The following STAG1 variants were observed in gnomAD, a reference collection of about 807,000 sequenced individuals.
The protein encoded by STAG1 is STAG1 cohesin complex component.
Under a neutral mutation model 170.9 loss-of-function variants are expected in STAG1, and 26 were observed. That is an observed-to-expected ratio of 0.15 (90% confidence interval 0.11 to 0.21). STAG1 has a LOEUF of 0.21. Ranked by LOEUF, STAG1 falls within the 10% of genes least tolerant of loss-of-function variation. STAG1 has a pLI of 1.00. For synonymous variants in STAG1, 514 were observed against 497.7 expected (o/e 1.03, Z -0.44); for missense variants, 964 against 1,509.5 (o/e 0.64, Z 5.99).
intron 7 of STAG1, among the ~76,000 whole-genome samples, chr3:136,517,593 CAAAG>C (rs1486553619): frequency 1.3e-5 from 2 of 151,852 alleles, no homozygotes; most frequent in Non-Finnish European, 2.9e-5. Context: ...AGTGGTAAAA[CAAAG>C]AAAATCTTAC....
At chr3:136,544,383 A>G (rs1211061288) in intron 5 of STAG1, among the ~76,000 whole-genome samples, 1 of 152,196 alleles carries the variant, frequency 6.6e-6, no homozygotes, top group South Asian at 2.1e-4. Flanking sequence ...ACACAAGTAC[A>G]CAGAAGACTG....
At chr3:136,454,931 C>A (rs1335960296) in intron 13 of STAG1, among the ~76,000 whole-genome samples, 2 of 152,012 alleles carry the variant, frequency 1.3e-5, no homozygotes, top group Non-Finnish European at 2.9e-5. Flanking sequence ...GGGGATACAC[C>A]ATAGCTTATT....
Position 136,562,290 on chromosome 3 carries a change from C to T in STAG1, c.394+6475G>A, listed in dbSNP as rs148454528. Among the ~76,000 whole-genome samples, 838 of 146,856 alleles carry T rather than the reference C, an allele frequency of 5.7e-3. 48 individuals are homozygous for T. The East Asian group carries it at 0.14, about 24-fold the overall frequency. On this transcript the variant is annotated intron_variant, in intron 5 of 33. Transcript: ENST00000383202. Reference sequence around the variant, plus strand: ...TCTTTTTTTTTTTTAGACAGAGTTTCGCTCCTGTTGCCCAGCCTGGAGTGC... The same window carrying T: ...TCTTTTTTTTTTTTAGACAGAGTTTTGCTCCTGTTGCCCAGCCTGGAGTGC...
At chr3:136,473,510 T>C (rs1422354379) in intron 11 of STAG1, 29 bp downstream of exon 11, 2 of 1,511,316 alleles carry the variant, frequency 1.3e-6, no homozygotes, top group South Asian at 2.3e-5. Context: ...AGAGAAAAAT[T>C]AAATAAGCTT....
intron 1 of STAG1, among the ~76,000 whole-genome samples, chr3:136,662,979 A>G (rs1388321637): frequency 6.6e-6 from 1 of 152,124 alleles, no homozygotes; most frequent in Non-Finnish European, 1.5e-5. Flanking sequence ...TGAACCTGGG[A>G]GGTGGAGGTT....
intron 1 of STAG1, among the ~76,000 whole-genome samples, chr3:136,738,640 A>G (rs1260703167): frequency 6.6e-6 from 1 of 152,128 alleles, no homozygotes; most frequent in Non-Finnish European, 1.5e-5. Context: ...AGGCAACAGA[A>G]CAAGACTGCT....
chr3:136,450,286 G>C (rs977127266), intron 14 of STAG1, among the ~76,000 whole-genome samples: 1 of 152,110 alleles, frequency 6.6e-6, no homozygotes, highest in African/African-American at 2.4e-5. Context: ...TAGAAATGCA[G>C]AATCTCAGGC....
At chr3:136,477,177 A>C (rs1649345936) in intron 10 of STAG1, 112 bp downstream of exon 10, 1 of 1,225,506 alleles carries the variant, frequency 8.2e-7, no homozygotes, top group African/African-American at 1.5e-5. Flanking sequence ...TCATCTTAAA[A>C]TTTCCACATG....
At chr3:136,589,845 C>T (rs892484506) in intron 4 of STAG1, among the ~76,000 whole-genome samples, 1 of 151,720 alleles carries the variant, frequency 6.6e-6, no homozygotes, top group African/African-American at 2.4e-5. Flanking sequence ...GCAGGAGGAT[C>T]GCCTGAATCC....
At chr3:136,421,605 T>A (rs922279940) in intron 19 of STAG1, among the ~76,000 whole-genome samples, 6 of 151,966 alleles carry the variant, frequency 3.9e-5, no homozygotes, top group Middle Eastern at 3.2e-3. Flanking sequence ...CACAGAGAAC[T>A]ATGGAAATTC....
rs199537106 is a variant in STAG1 at position 136,497,623 on chromosome 3, C to A, written c.902+2600G>T. Among the ~76,000 whole-genome samples, 4 of 150,790 alleles carry A rather than the reference C, an allele frequency of 2.7e-5. No individual in the cohort carries two copies. The East Asian group carries it at 7.9e-4, about 30-fold the overall frequency. On this transcript the variant is annotated intron_variant, in intron 9 of 33. Coordinates refer to ENST00000383202, the MANE Select transcript of STAG1 (RefSeq NM_005862.3). ...TGGGAGGCCGAGGCGGGCGGATCAC[C>A]AGGTCAGGAGATCGAGACCACCCTG... is the stretch of plus-strand genomic sequence containing the variant.
chr3:136,493,014 G>A (rs1348092760), intron 9 of STAG1, among the ~76,000 whole-genome samples: 2 of 152,120 alleles, frequency 1.3e-5, no homozygotes, highest in African/African-American at 4.8e-5. Context: ...GAGAAAGGAG[G>A]AAGGATATAA....
chr3:136,422,925 A>G (rs775803170), intron 17 of STAG1, 27 bp downstream of exon 17: 2 of 1,587,480 alleles, frequency 1.3e-6, no homozygotes, highest in Non-Finnish European at 1.7e-6. Flanking sequence ...ACTCAGTGAC[A>G]TAACAAAACT....
At position 136,535,742 on chromosome 3, in the gene STAG1, T is replaced by C. The variant is rs1226034290; in HGVS notation, c.471+6377A>G. 2.0e-5 allele frequency among the ~76,000 whole-genome samples: 3 copies of C among 152,070 alleles called. No individual in the cohort carries two copies. In the East Asian group the frequency reaches 5.8e-4, roughly 29 times the overall value. Reference sequence around the variant, plus strand: ...GGTACCAACACACAGAAATGATAAATACTCAAGGTAAGAGATACCCCAAAT... The same window carrying C: ...GGTACCAACACACAGAAATGATAAACACTCAAGGTAAGAGATACCCCAAAT... On this transcript the variant is annotated intron_variant, in intron 6 of 33. Transcript: ENST00000383202.
At chr3:136,634,716 T>G (rs1156327925) in intron 1 of STAG1, among the ~76,000 whole-genome samples, 1 of 149,348 alleles carries the variant, frequency 6.7e-6, no homozygotes, top group African/African-American at 2.5e-5. Context: ...AAGAAATAAT[T>G]AGTGCACAGA....
chr3:136,702,661 C>T (rs550291295), intron 1 of STAG1, among the ~76,000 whole-genome samples: 2 of 152,292 alleles, frequency 1.3e-5, no homozygotes, highest in South Asian at 4.1e-4. Context: ...GCTGGAATTA[C>T]AGGAGTGAGC....
rs530166165 is a variant in STAG1, at chr3:136,702,536, G to A, written c.-84+49659C>T. Among the ~76,000 whole-genome samples the A allele has an allele frequency of 5.3e-5, 8 of 151,998 alleles. No individual in the cohort carries two copies. The South Asian group carries it at 8.3e-4, about 16-fold the overall frequency. The stretch of plus-strand genomic sequence containing the variant: ...CAAGTAGCTGGGATTACAGGTGCCC[G>A]CCACAACACCCAGCTAATTTTTTAT... On this transcript the variant is annotated intron_variant, in intron 1 of 33. Transcript: ENST00000383202.
chr3:136,526,132 T>C (rs1576566913), intron 6 of STAG1, among the ~76,000 whole-genome samples: 1 of 152,142 alleles, frequency 6.6e-6, no homozygotes, highest in Non-Finnish European at 1.5e-5. Context: ...CAGAGCTGAG[T>C]TCAATTCCTG....
At chr3:136,685,160 C>CA (rs1942471063) in intron 1 of STAG1, among the ~76,000 whole-genome samples, 2 of 151,890 alleles carry the variant, frequency 1.3e-5, no homozygotes, top group African/African-American at 2.4e-5. Flanking sequence ...ACTAAAAATA[C>CA]AAAAAATTAG....
Sources: allele counts gnomAD v4.1 joint callset (sites outside exome capture counted in the v4.1 genomes callset), GRCh38; gene constraint gnomAD v4.1.1; transcripts MANE v1.5; gene names NCBI Gene and HGNC (gene_info 2026-07-23, HGNC 2026-07-21).